Variants in CD28 observed in about 807,000 individuals in gnomAD.
CD28 encodes T-cell-specific surface glycoprotein CD28.
Under a neutral mutation model 21.4 loss-of-function variants are expected in CD28, and 8 were observed. That is an observed-to-expected ratio of 0.37 (90% CI 0.22 to 0.68). The LOEUF (loss-of-function observed/expected upper bound fraction) is 0.68, where lower values mean the gene tolerates loss of function less well. CD28 is among the 30% of genes least tolerant of loss of function. The pLI is 0.55. For synonymous variants in CD28, 106 were observed against 104.0 expected, an observed-to-expected ratio of 1.02 and a Z score of -0.12; for missense variants, 239 against 272.2, an observed-to-expected ratio of 0.88 and a Z score of 0.86.
Position 203,726,652 on chromosome 2 carries a change from G to A in CD28, c.72G>A (p.Lys24=), listed in dbSNP as rs768238717. Residue 24 remains lysine, a synonymous_variant, in exon 2 of 4, where the codon AAG becomes AAA. Transcript: ENST00000324106. ...IQVTGNKILV[K]QSPMLVAYDN... is the part of the protein sequence containing the mutation. ...CCCCAGGAAACAAGATTTTGGTGAA[G>A]CAGTCGCCCATGCTTGTAGCGTACG... is the stretch of plus-strand genomic sequence containing the variant. 6.2e-7 allele frequency: 1 copy of A among 1,605,944 alleles called. No individual in the cohort carries two copies. Among genetic ancestry groups the A allele is most frequent in the Non-Finnish European group, 8.5e-7 (1 of 1,174,546 alleles).
chr2:203,730,601 G>A (rs753211763), intron 3 of CD28, among the ~76,000 whole-genome samples: 6 of 152,140 alleles, frequency 3.9e-5, no homozygotes, highest in Admixed American at 6.5e-5. Context: ...GCATGGATGA[G>A]TCATTTCTTC....
intron 3 of CD28, among the ~76,000 whole-genome samples, chr2:203,731,042 T>C (rs1309949809): frequency 6.6e-6 from 1 of 152,216 alleles, no homozygotes; most frequent in East Asian, 1.9e-4. Context: ...CAGAAGACCC[T>C]AGGGCTCAGA....
chr2:203,722,439 G>A (rs6435201), intron 1 of CD28, among the ~76,000 whole-genome samples: 139,477 of 152,346 alleles, frequency 0.92, 63,920 homozygotes, highest in East Asian at 0.99. Context: ...ACAAATAATA[G>A]GTGAAGTTAA....
Position 203,708,595 on chromosome 2 carries a change from A to G in CD28, c.52+1847A>G, listed in dbSNP as rs150562241. ...AAACTTTGTATGTTTTCTTTAGAAC[A>G]TTTATTAAAAGGGGACTAGCTAGAT... On this transcript the variant is annotated intron_variant, in intron 1 of 3. Coordinates refer to ENST00000324106, the MANE Select transcript of CD28 (RefSeq NM_006139.4). Among the ~76,000 whole-genome samples, 1,221 of 152,302 alleles carry G rather than the reference A, an allele frequency of 8.0e-3. 7 individuals are homozygous for G. Among genetic ancestry groups the G allele is most frequent in the Middle Eastern group, 0.034 (10 of 294 alleles).
chr2:203,738,130 A>G lies in CD28; in HGVS notation c.*3218A>G, dbSNP rs571230308. 7.2e-5 allele frequency: 11 copies of G among 152,274 alleles called. No homozygotes were observed. The highest frequency in any genetic ancestry group is 2.6e-4 in the African/African-American group (11 of 41,542). 9.4% of individuals were successfully genotyped at this position (152,274 alleles called of 1,614,324 possible). On this transcript the variant is annotated 3_prime_UTR_variant, in exon 4 of 4. Transcript: ENST00000324106. Reference sequence around the variant, plus strand: ...TTGAGATGTCAGGCTAGGCTTACCTATGTGTTCTGTGTCATGTGAATGCTG... The same window carrying G: ...TTGAGATGTCAGGCTAGGCTTACCTGTGTGTTCTGTGTCATGTGAATGCTG...
rs1693584417 is a variant in CD28, at chr2:203,720,714, T to C, written c.53-5919T>C. Among the ~76,000 whole-genome samples, 4 of 152,380 alleles carry C rather than the reference T, an allele frequency of 2.6e-5. No homozygotes were observed. In the South Asian group the frequency reaches 8.3e-4, roughly 32 times the overall value. On this transcript the variant is annotated intron_variant, in intron 1 of 3. Transcript: ENST00000324106. ...TATCAAAGCCAAATGTCATCTGATA[T>C]TCTGATTATCAGCTACTTTGATTTC...
chr2:203,710,156 C>T (rs1391786951), intron 1 of CD28, among the ~76,000 whole-genome samples: 3 of 152,120 alleles, frequency 2.0e-5, no homozygotes, highest in Non-Finnish European at 4.4e-5. Context: ...CAACAGATTG[C>T]CGTATTTACA....
At chr2:203,710,259 G>C (rs192478415) in intron 1 of CD28, among the ~76,000 whole-genome samples, 1 of 152,336 alleles carries the variant, frequency 6.6e-6, no homozygotes. Flanking sequence ...TATTTCAAAA[G>C]TATAGGCATT....
chr2:203,735,730 A>G lies in CD28; in HGVS notation c.*818A>G, dbSNP rs1222374471. ...TTTATGTCAAAATTATTTGAGTACT[A>G]TGGGACCTGGCGCAGTGGCTCATGC... On this transcript the variant is annotated 3_prime_UTR_variant, in exon 4 of 4. Coordinates refer to ENST00000324106, the MANE Select transcript of CD28 (RefSeq NM_006139.4). 1.3e-5 allele frequency: 2 copies of G among 152,242 alleles called. No homozygotes were observed. The highest frequency in any genetic ancestry group is 4.8e-5 in the African/African-American group (2 of 41,454). The allele number at this position is 152,242 out of a possible 1,614,324, so 9.4% of individuals were successfully genotyped here. A position where few individuals can be genotyped will look rare whatever the true frequency, so the allele number is the denominator to read the frequency against.
At chr2:203,720,713 A>G (rs1259286249) in intron 1 of CD28, among the ~76,000 whole-genome samples, 5 of 152,240 alleles carry the variant, frequency 3.3e-5, no homozygotes, top group Admixed American at 3.3e-4. Context: ...GTCATCTGAT[A>G]TTCTGATTAT....
Position 203,738,257 on chromosome 2 carries a change from T to G in CD28, c.*3345T>G, listed in dbSNP as rs1265409977. 6.6e-6 allele frequency: 1 copy of G among 152,186 alleles called. No individual in the cohort carries two copies. The highest frequency in any genetic ancestry group is 2.4e-5 in the African/African-American group (1 of 41,444). The allele number at this position is 152,186 out of a possible 1,614,324, so 9.4% of individuals were successfully genotyped here. On this transcript the variant is annotated 3_prime_UTR_variant, in exon 4 of 4. Coordinates refer to ENST00000324106, the MANE Select transcript of CD28 (RefSeq NM_006139.4). ...ATGGCTATTTTAATGAGGGTATTGA[T>G]GGTTAAATGCATGTCTGATCCCTTA...
intron 1 of CD28, 132 bp downstream of exon 1, chr2:203,706,880 G>A: frequency 1.5e-6 from 1 of 678,756 alleles, no homozygotes; most frequent in East Asian, 2.7e-5. Flanking sequence ...ATAGGGCAAT[G>A]TGTTATTTTG....
intron 1 of CD28, among the ~76,000 whole-genome samples, chr2:203,717,787 C>A (rs1693499902): frequency 6.6e-6 from 1 of 152,102 alleles, no homozygotes; most frequent in Non-Finnish European, 1.5e-5. Context: ...CCCATGGATC[C>A]AGAGGACCAC....
At chr2:203,708,566 C>G (rs766297038) in intron 1 of CD28, among the ~76,000 whole-genome samples, 2 of 152,182 alleles carry the variant, frequency 1.3e-5, no homozygotes, top group Non-Finnish European at 2.9e-5. Context: ...TTTGGTAAGA[C>G]TCAAAACTTT....
chr2:203,708,427 TAGAC>T (rs1467395502), intron 1 of CD28, among the ~76,000 whole-genome samples: 3 of 152,236 alleles, frequency 2.0e-5, no homozygotes, highest in Admixed American at 6.5e-5. Flanking sequence ...CTTAATTTGT[TAGAC>T]AGTCAAGGGA....
rs1693993385 is a variant in CD28, at chr2:203,734,970, G to C, written c.*58G>C. On this transcript the variant is annotated 3_prime_UTR_variant, in exon 4 of 4. Transcript: ENST00000324106. Reference sequence around the variant, plus strand: ...CAGCCCCCATCTGCTCAATATCACTGCTCTGGATAGGAAATGACCGCCATC... The same window carrying C: ...CAGCCCCCATCTGCTCAATATCACTCCTCTGGATAGGAAATGACCGCCATC... 6.3e-7 allele frequency: 1 copy of C among 1,582,554 alleles called. No homozygotes were observed. Among genetic ancestry groups the C allele is most frequent in the South Asian group, 1.2e-5 (1 of 86,534 alleles).
rs1220073768 is a variant in CD28 at position 203,736,943 on chromosome 2, A to G, written c.*2031A>G. On this transcript the variant is annotated 3_prime_UTR_variant, in exon 4 of 4. Transcript: ENST00000324106. ...TTATTGCCATATAGATAAATTATGTATAAAAATTAAACTGGGCAATAGCCT... is the reference window on the plus strand; with the variant it reads ...TTATTGCCATATAGATAAATTATGTGTAAAAATTAAACTGGGCAATAGCCT... The G allele has an allele frequency of 6.6e-6, 1 of 152,358 alleles. No homozygotes were observed. The highest frequency in any genetic ancestry group is 1.9e-4 in the East Asian group (1 of 5,190). 9.4% of individuals were successfully genotyped at this position (152,358 alleles called of 1,614,324 possible). A position where few individuals can be genotyped will look rare whatever the true frequency, so the allele number is the denominator to read the frequency against.
chr2:203,730,790 G>T (rs1259097080), intron 3 of CD28, among the ~76,000 whole-genome samples: 1 of 152,322 alleles, frequency 6.6e-6, no homozygotes, highest in East Asian at 1.9e-4. Context: ...GAGTCTGCCT[G>T]AAGTATGATA....
At chr2:203,725,388 C>T (rs1020904768) in intron 1 of CD28, among the ~76,000 whole-genome samples, 6 of 151,620 alleles carry the variant, frequency 4.0e-5, no homozygotes, top group Admixed American at 3.3e-4. Flanking sequence ...CTCAGGTGGT[C>T]ATAGCCAACT....
Sources: gnomAD v4.1 joint callset for allele counts (sites outside exome capture counted in the v4.1 genomes callset) on GRCh38, gnomAD v4.1.1 for gene constraint, MANE v1.5 for transcripts, NCBI Gene and HGNC (gene_info 2026-07-23, HGNC 2026-07-21) for gene names.